Variants in CUX2 observed in about 807,000 individuals in gnomAD.
CUX2 encodes homeobox protein cut-like 2.
In CUX2, 40 loss-of-function variants were observed where a neutral mutation model predicts 144.8. The ratio of observed to expected loss-of-function variants is 0.28; its 90% CI spans 0.21 to 0.36. The LOEUF is 0.36. Ranked by LOEUF, CUX2 falls within the 10% of genes least tolerant of loss-of-function variation. The probability of loss-of-function intolerance (pLI) is 1.00; values close to 1 mark genes in which losing one functional copy is unlikely to be tolerated. For synonymous variants in CUX2, 827 were observed against 875.6 expected, an observed-to-expected ratio of 0.94 and a Z score of 0.98; for missense variants, 1,615 against 1,994.0, an observed-to-expected ratio of 0.81 and a Z score of 3.62.
chr12:111,131,942 A>G (rs1324144507), intron 1 of CUX2, among the ~76,000 whole-genome samples: 2 of 152,196 alleles, frequency 1.3e-5, no homozygotes, highest in Admixed American at 1.3e-4. Context: ...TCTGGAGGAC[A>G]GTGGCTGTCT....
chr12:111,328,220 T>C (rs1406822550), intron 18 of CUX2, among the ~76,000 whole-genome samples: 1 of 152,032 alleles, frequency 6.6e-6, no homozygotes, highest in Non-Finnish European at 1.5e-5. Flanking sequence ...GCCCACAAAG[T>C]CCCACAGAGT....
At chr12:111,158,019 A>C (rs1026575970) in intron 1 of CUX2, among the ~76,000 whole-genome samples, 6 of 152,202 alleles carry the variant, frequency 3.9e-5, no homozygotes, top group Non-Finnish European at 7.3e-5. Flanking sequence ...AATTAAACCA[A>C]ATCCCTGGAG....
intron 4 of CUX2, among the ~76,000 whole-genome samples, chr12:111,274,075 G>GT (rs869086838): frequency 6.6e-6 from 1 of 152,000 alleles, no homozygotes; most frequent in Admixed American, 6.6e-5. Context: ...GTTTTTGGGG[G>GT]TTTTTTTGTT....
At chr12:111,098,454 C>T (rs1872972585) in intron 1 of CUX2, among the ~76,000 whole-genome samples, 1 of 151,814 alleles carries the variant, frequency 6.6e-6, no homozygotes, top group Non-Finnish European at 1.5e-5. Flanking sequence ...CTGCTGCAGT[C>T]ATCGGCCTTG....
At chr12:111,261,190 G>C (rs1034013617) in intron 3 of CUX2, among the ~76,000 whole-genome samples, 1 of 152,150 alleles carries the variant, frequency 6.6e-6, no homozygotes. Context: ...TTTGCTAACC[G>C]GGTGACCTTG....
intron 1 of CUX2, among the ~76,000 whole-genome samples, chr12:111,083,428 A>T (rs1012870955): frequency 6.6e-6 from 1 of 152,080 alleles, no homozygotes; most frequent in African/African-American, 2.4e-5. Flanking sequence ...GGGACCAAGG[A>T]CAGATGGGAA....
chr12:111,202,781 G>A (rs1311475732), intron 1 of CUX2, among the ~76,000 whole-genome samples: 1 of 152,084 alleles, frequency 6.6e-6, no homozygotes, highest in Non-Finnish European at 1.5e-5. Context: ...TAAGCAGAGG[G>A]CGGCTGAGGT....
At chr12:111,079,085 G>A (rs2136040227) in intron 1 of CUX2, among the ~76,000 whole-genome samples, 1 of 152,298 alleles carries the variant, frequency 6.6e-6, no homozygotes, top group South Asian at 2.1e-4. Flanking sequence ...TGCAAACTTG[G>A]GCTCTAAGAT....
chr12:111,071,824 G>T (rs909528882), intron 1 of CUX2, among the ~76,000 whole-genome samples: 3 of 152,002 alleles, frequency 2.0e-5, no homozygotes, highest in Non-Finnish European at 4.4e-5. Flanking sequence ...TTTATTTTTG[G>T]CATGTGGCTG....
At chr12:111,165,907 G>T (rs1471753722) in intron 1 of CUX2, among the ~76,000 whole-genome samples, 1 of 152,218 alleles carries the variant, frequency 6.6e-6, no homozygotes, top group Non-Finnish European at 1.5e-5. Flanking sequence ...TATCCACAGT[G>T]TTTGGTGGTG....
chr12:111,348,190 T>C lies in CUX2; in HGVS notation c.4326T>C (p.Ala1442=), dbSNP rs754432708. ...VPSASPTADM[A]GALHPSAKVN... ...GTGCCAGCCCCACTGCTGACATGGCTGGAGCCTTGCACCCCAGTGCCAAGG... is the reference window on the plus strand; with the variant it reads ...GTGCCAGCCCCACTGCTGACATGGCCGGAGCCTTGCACCCCAGTGCCAAGG... Residue 1442 remains alanine, a synonymous_variant, in exon 22 of 22, where the codon GCT becomes GCC. Transcript: ENST00000261726. The C allele has an allele frequency of 6.2e-7, 1 of 1,614,032 alleles. No individual in the cohort carries two copies. The highest frequency in any genetic ancestry group is 1.1e-5 in the South Asian group (1 of 91,072).
intron 1 of CUX2, among the ~76,000 whole-genome samples, chr12:111,094,119 G>A (rs1012865683): frequency 2.6e-5 from 4 of 152,224 alleles, no homozygotes; most frequent in Admixed American, 2.0e-4. Flanking sequence ...CCATAAGCAG[G>A]CTTAATCTTT....
intron 1 of CUX2, among the ~76,000 whole-genome samples, chr12:111,194,245 AC>A (rs958658008): frequency 5.9e-5 from 9 of 151,568 alleles, no homozygotes; most frequent in Admixed American, 1.3e-4. Flanking sequence ...TAATAACAGC[AC>A]CCCCCTCCTG....
chr12:111,115,251 G>A (rs1448288608), intron 1 of CUX2, among the ~76,000 whole-genome samples: 1 of 140,084 alleles, frequency 7.1e-6, no homozygotes, highest in Non-Finnish European at 1.6e-5. Context: ...CGTTGAATCT[G>A]TAGATCAATT....
chr12:111,257,713 A>G (rs1252732433), intron 3 of CUX2, among the ~76,000 whole-genome samples: 1 of 76,180 alleles, frequency 1.3e-5, no homozygotes, highest in African/African-American at 5.4e-5. Flanking sequence ...CTCATTCTCC[A>G]TCTTCCTCCT....
rs1171414403 is a variant in CUX2, at chr12:111,263,966, T to G, written c.301+127T>G. The G allele has an allele frequency of 1.2e-5, 10 of 832,710 alleles. No homozygotes were observed. The Admixed American group carries it at 1.7e-4, about 14-fold the overall frequency. 51.6% of individuals were successfully genotyped at this position (832,710 alleles called of 1,614,324 possible). On this transcript the variant is annotated intron_variant, in intron 4 of 21. Coordinates refer to ENST00000261726, the MANE Select transcript of CUX2 (RefSeq NM_015267.4). The surrounding 1 kb of genome is among the most constrained non-coding windows in gnomAD (Gnocchi z 4.0). The stretch of plus-strand genomic sequence containing the variant: ...GGCTCCTGGGTGAGGCCAGGCACTC[T>G]GTATAGGGCAGGGGGAGCTGTGGCC...
intron 3 of CUX2, among the ~76,000 whole-genome samples, chr12:111,243,067 T>C (rs1366299619): frequency 6.6e-6 from 1 of 152,170 alleles, no homozygotes; most frequent in African/African-American, 2.4e-5. Context: ...TATTCCATGG[T>C]GTATATGTGC....
chr12:111,179,593 G>T, intron 1 of CUX2, among the ~76,000 whole-genome samples: 1 of 151,382 alleles, frequency 6.6e-6, no homozygotes, highest in Middle Eastern at 3.4e-3. Context: ...CCATCGCCGT[G>T]GTTGTTGTTG....
chr12:111,110,042 A>ATT (rs397850906), intron 1 of CUX2, among the ~76,000 whole-genome samples: 8 of 134,250 alleles, frequency 6.0e-5, no homozygotes, highest in South Asian at 2.4e-4. Context: ...CACTCAACTA[A>ATT]TTTTTTTTTT....
Sources: gnomAD v4.1 joint callset for allele counts (sites outside exome capture counted in the v4.1 genomes callset) on GRCh38, gnomAD v4.1.1 for gene constraint, Gnocchi (gnomAD v3.1) non-coding constraint, MANE v1.5 for transcripts, NCBI Gene and HGNC (gene_info 2026-07-23, HGNC 2026-07-21) for gene names.